The following PRKAG2 variants were observed in gnomAD, a reference collection of about 807,000 sequenced individuals.
PRKAG2 encodes the protein 5'-AMP-activated protein kinase subunit gamma-2.
A neutral mutation model predicts 69.6 loss-of-function variants in PRKAG2; 26 were observed. The observed-to-expected ratio is 0.37, with a 90% confidence interval of 0.27 to 0.52. The LOEUF is 0.52. Ranked by LOEUF, PRKAG2 falls within the 20% of genes least tolerant of loss-of-function variation. The probability of loss-of-function intolerance (pLI) is 0.90; values close to 1 mark genes in which losing one functional copy is unlikely to be tolerated. For synonymous variants in PRKAG2, 293 were observed against 285.0 expected, an observed-to-expected ratio of 1.03 and a Z score of -0.28; for missense variants, 557 against 740.0, an observed-to-expected ratio of 0.75 and a Z score of 2.87.
chr7:151,679,844 C>A (rs998736812), intron 3 of PRKAG2, among the ~76,000 whole-genome samples: 3 of 151,898 alleles, frequency 2.0e-5, no homozygotes, highest in Admixed American at 1.3e-4. Context: ...GGAGAAGGAT[C>A]ACTTGAGCCC....
intron 5 of PRKAG2, among the ~76,000 whole-genome samples, chr7:151,627,972 A>G (rs539454945): frequency 9.7e-4 from 148 of 152,304 alleles, no homozygotes; most frequent in African/African-American, 3.5e-3. Context: ...CCTGGATTCT[A>G]CTTTGGAAAA....
At chr7:151,785,336 C>A (rs1245506919) in intron 2 of PRKAG2, among the ~76,000 whole-genome samples, 1 of 152,224 alleles carries the variant, frequency 6.6e-6, no homozygotes, top group Non-Finnish European at 1.5e-5. Context: ...ACCCAGTGCC[C>A]GCGGGGCTGG....
At chr7:151,714,712 G>C (rs571560887) in intron 3 of PRKAG2, among the ~76,000 whole-genome samples, 8 of 152,142 alleles carry the variant, frequency 5.3e-5, no homozygotes, top group Non-Finnish European at 1.2e-4. Context: ...CACTTTGGGA[G>C]GCTCGGGCAA....
intron 2 of PRKAG2, among the ~76,000 whole-genome samples, chr7:151,782,637 G>A (rs1229774211): frequency 6.6e-6 from 1 of 152,184 alleles, no homozygotes; most frequent in African/African-American, 2.4e-5. Context: ...CCCTGCCTCT[G>A]GGTGCCGGTA....
At chr7:151,773,772 T>C (rs2076201203) in intron 3 of PRKAG2, among the ~76,000 whole-genome samples, 1 of 152,162 alleles carries the variant, frequency 6.6e-6, no homozygotes, top group Admixed American at 6.5e-5. Context: ...CTAAACCAAC[T>C]TGCAAAATCT....
chr7:151,596,192 T>G (rs1403254483), intron 5 of PRKAG2, among the ~76,000 whole-genome samples: 12 of 152,144 alleles, frequency 7.9e-5, no homozygotes, highest in Admixed American at 7.9e-4. Context: ...TGTCCCTGTT[T>G]GCAGATGACA....
At position 151,696,576 on chromosome 7, in the gene PRKAG2, G is replaced by A. The variant is rs537186937; in HGVS notation, c.467-20939C>T. Among the ~76,000 whole-genome samples the A allele has an allele frequency of 1.8e-4, 27 of 152,300 alleles. 1 individual carries two copies. The highest frequency in any genetic ancestry group is 8.3e-4 in the South Asian group (4 of 4,828). ...CTCTTTCCTTGCCTAAATAGCCTAC[G>A]GCTAAGAGGAAATCACCCCCAGTTA... On this transcript the variant is annotated intron_variant, in intron 3 of 15. Coordinates refer to ENST00000287878, the MANE Select transcript of PRKAG2 (RefSeq NM_016203.4).
chr7:151,584,962 A>AG (rs1168293361), intron 6 of PRKAG2, among the ~76,000 whole-genome samples: 1 of 152,226 alleles, frequency 6.6e-6, no homozygotes, highest in Non-Finnish European at 1.5e-5. Context: ...ACTGGATACT[A>AG]GGAGTGTCAG....
chr7:151,666,403 C>G (rs1455820855), intron 4 of PRKAG2, among the ~76,000 whole-genome samples: 1 of 152,206 alleles, frequency 6.6e-6, no homozygotes, highest in Non-Finnish European at 1.5e-5. Flanking sequence ...AGAAACTGAA[C>G]CTGCCAACAC....
intron 3 of PRKAG2, among the ~76,000 whole-genome samples, chr7:151,688,011 GGGAGGAGGAGGA>G (rs144406628): frequency 1.6e-5 from 2 of 126,174 alleles, no homozygotes; most frequent in Non-Finnish European, 3.4e-5. Flanking sequence ...TGGAAGGGGA[GGGAGGAGGAGGA>G]GGAGGAGGAG....
At chr7:151,661,948 C>G (rs1387888607) in intron 4 of PRKAG2, among the ~76,000 whole-genome samples, 5 of 152,170 alleles carry the variant, frequency 3.3e-5, no homozygotes, top group Admixed American at 2.6e-4. Context: ...GGGACAGTCC[C>G]GGTTCTGAGC....
rs111991701 is a variant in PRKAG2 at position 151,638,632 on chromosome 7, CA to C, written c.685-6495del. Among the ~76,000 whole-genome samples, 765 of 142,000 alleles carry C rather than the reference CA, an allele frequency of 5.4e-3. 7 individuals carry two copies. The highest frequency in any genetic ancestry group is 0.018 in the African/African-American group (709 of 38,784). 93.2% of individuals were successfully genotyped at this position (142,000 alleles called of 152,430 possible). On this transcript the variant is annotated intron_variant, in intron 4 of 15. Coordinates refer to ENST00000287878, the MANE Select transcript of PRKAG2 (RefSeq NM_016203.4). The surrounding 1 kb of genome is among the most constrained non-coding windows in gnomAD (Gnocchi z 4.3). ...TTGGCGACAGAGTGAGACTCTGTCT[CA>C]AAAAAAAAAGCTAAATTATTAAGTT...
Position 151,807,309 on chromosome 7 carries a change from A to G in PRKAG2, c.115-20768T>C. ...ATAGGGGAAGAAAAACAAGCAATCT[A>G]CAGAACGTGGGAAAATGCCTATATT... On this transcript the variant is annotated intron_variant, in intron 1 of 15. Coordinates refer to ENST00000287878, the MANE Select transcript of PRKAG2 (RefSeq NM_016203.4). This position sits in a 1 kb window ranked among gnomAD's most constrained non-coding sequence, Gnocchi z 4.4. The G allele has an allele frequency of 2.4e-6, 1 of 420,454 alleles. No individual in the cohort carries two copies. Among genetic ancestry groups the G allele is most frequent in the Non-Finnish European group, 4.9e-6 (1 of 205,300 alleles). 26.0% of individuals were successfully genotyped at this position (420,454 alleles called of 1,614,324 possible). A position where few individuals can be genotyped will look rare whatever the true frequency, so the allele number is the denominator to read the frequency against.
chr7:151,814,786 G>T lies in PRKAG2; in HGVS notation c.115-28245C>A. On this transcript the variant is annotated intron_variant, in intron 1 of 15. Coordinates refer to ENST00000287878, the MANE Select transcript of PRKAG2 (RefSeq NM_016203.4). The surrounding 1 kb of genome is among the most constrained non-coding windows in gnomAD (Gnocchi z 4.8). ...GAGCTGCTTTGCTGCTCAAAATGCA[G>T]GCAGAGCTCGGGCAGATTCCCCCAT... is the stretch of plus-strand genomic sequence containing the variant. 2 of 1,231,806 alleles carry T rather than the reference G, an allele frequency of 1.6e-6. No homozygotes were observed. Among genetic ancestry groups the T allele is most frequent in the Non-Finnish European group, 2.0e-6 (2 of 988,014 alleles). 76.3% of individuals were successfully genotyped at this position (1,231,806 alleles called of 1,614,324 possible).
At chr7:151,722,770 ACTT>A (rs796266966) in intron 3 of PRKAG2, among the ~76,000 whole-genome samples, 67 of 152,144 alleles carry the variant, frequency 4.4e-4, no homozygotes, top group African/African-American at 1.5e-3. Context: ...TGTCACAGGC[ACTT>A]CTTATTATGG....
Position 151,781,908 on chromosome 7 carries a change from A to T in PRKAG2, c.187-477T>A, listed in dbSNP as rs1441706211. Among the ~76,000 whole-genome samples the T allele has an allele frequency of 6.6e-6, 1 of 152,136 alleles. No homozygotes were observed. Among genetic ancestry groups the T allele is most frequent in the Non-Finnish European group, 1.5e-5 (1 of 68,038 alleles). ...CCTGAGACCTCAGTCCTAGGTGATG[A>T]TGAATTTTTCACCTCCAAGCTGCTT... On this transcript the variant is annotated intron_variant, in intron 2 of 15. Coordinates refer to ENST00000287878, the MANE Select transcript of PRKAG2 (RefSeq NM_016203.4). The surrounding 1 kb of genome is among the most constrained non-coding windows in gnomAD (Gnocchi z 6.1).
chr7:151,854,127 C>G (rs563330496), intron 1 of PRKAG2, among the ~76,000 whole-genome samples: 1 of 152,216 alleles, frequency 6.6e-6, no homozygotes, highest in Non-Finnish European at 1.5e-5. Flanking sequence ...GTGCCCATCA[C>G]GGGCCAGAGA....
Position 151,693,590 on chromosome 7 carries a change from T to C in PRKAG2, c.467-17953A>G, listed in dbSNP as rs182437047. ...AATATTTACAAATATCCAAGAAATA[T>C]GTTAGTAAAACTTTCTGAAGGCTGT... On this transcript the variant is annotated intron_variant, in intron 3 of 15. Transcript: ENST00000287878. 4.2e-3 allele frequency among the ~76,000 whole-genome samples: 643 copies of C among 152,374 alleles called. 8 individuals carry two copies. The highest frequency in any genetic ancestry group is 0.015 in the African/African-American group (629 of 41,592).
intron 3 of PRKAG2, among the ~76,000 whole-genome samples, chr7:151,683,659 AGGTGTTGTTCCCTACTTT>A (rs1277449289): frequency 6.6e-6 from 1 of 152,170 alleles, no homozygotes; most frequent in Non-Finnish European, 1.5e-5. Flanking sequence ...GTGAGGGGCC[AGGTGTTGTTCCCTACTTT>A]GGAGGGAGGA....
Sources: gnomAD v4.1 joint callset for allele counts (sites outside exome capture counted in the v4.1 genomes callset) on GRCh38, gnomAD v4.1.1 for gene constraint, Gnocchi (gnomAD v3.1) non-coding constraint, MANE v1.5 for transcripts, NCBI Gene and HGNC (gene_info 2026-07-23, HGNC 2026-07-21) for gene names.